Variants in MICAL3 observed in about 807,000 individuals in gnomAD.
The protein encoded by MICAL3 is [F-actin]-monooxygenase MICAL3.
A neutral mutation model predicts 207.4 loss-of-function variants in MICAL3; 62 were observed. That is an observed-to-expected ratio of 0.30 (90% CI 0.24 to 0.37). MICAL3 has a LOEUF of 0.37. Ranked by LOEUF, MICAL3 falls within the 10% of genes least tolerant of loss-of-function variation. The probability of loss-of-function intolerance (pLI) is 1.00; values close to 1 mark genes in which losing one functional copy is unlikely to be tolerated. For synonymous variants in MICAL3, 1,077 were observed against 1,069.3 expected, an observed-to-expected ratio of 1.01 and a Z score of -0.14; for missense variants, 2,368 against 2,635.6, an observed-to-expected ratio of 0.90 and a Z score of 2.22.
rs184826605 is a variant in MICAL3 at position 17,984,880 on chromosome 22, T to C, written c.-75+39401A>G. Among the ~76,000 whole-genome samples, 1,181 of 152,208 alleles carry C rather than the reference T, an allele frequency of 7.8e-3. 14 individuals carry two copies. The highest frequency in any genetic ancestry group is 0.013 in the Non-Finnish European group (916 of 68,008). ...CCAAAGCCACACGAGTAGCAAGTGG[T>C]GAAGCCACAACTCAACCCCAGGCAG... On this transcript the variant is annotated intron_variant, in intron 1 of 31. Coordinates refer to ENST00000441493, the MANE Select transcript of MICAL3 (RefSeq NM_015241.3).
intron 19 of MICAL3, among the ~76,000 whole-genome samples, chr22:17,854,593 C>T (rs1407128405): frequency 2.0e-5 from 3 of 152,136 alleles, no homozygotes; most frequent in African/African-American, 7.2e-5. Context: ...CTGTGACAAA[C>T]TTGGTCACTG....
At chr22:17,919,147 T>C (rs1184807041) in intron 1 of MICAL3, among the ~76,000 whole-genome samples, 1 of 149,952 alleles carries the variant, frequency 6.7e-6, no homozygotes, top group African/African-American at 2.5e-5. Context: ...CATAGCTCAG[T>C]GCAGCTTCCT....
intron 21 of MICAL3, among the ~76,000 whole-genome samples, chr22:17,830,459 G>A (rs904256362): frequency 2.6e-5 from 4 of 152,254 alleles, no homozygotes; most frequent in Admixed American, 2.0e-4. Flanking sequence ...CTCCTGAAAA[G>A]GGAACGTGCT....
At chr22:18,013,633 G>A (rs545457415) in intron 1 of MICAL3, among the ~76,000 whole-genome samples, 1 of 152,336 alleles carries the variant, frequency 6.6e-6, no homozygotes, top group Admixed American at 6.5e-5. Flanking sequence ...TGGAGGTGAC[G>A]CATAGGAAAG....
intron 1 of MICAL3, among the ~76,000 whole-genome samples, chr22:17,980,222 C>T (rs551663089): frequency 1.3e-5 from 2 of 152,182 alleles, no homozygotes; most frequent in Admixed American, 6.5e-5. Context: ...GGCTAGAGGC[C>T]GAATTAGCAT....
intron 1 of MICAL3, among the ~76,000 whole-genome samples, chr22:17,948,213 CT>C (rs1166927363): frequency 5.3e-5 from 8 of 152,376 alleles, no homozygotes; most frequent in African/African-American, 1.9e-4. Flanking sequence ...GCCTTACTCC[CT>C]CCACAGCAAT....
chr22:17,976,969 G>A (rs2091458529), intron 1 of MICAL3, among the ~76,000 whole-genome samples: 1 of 151,984 alleles, frequency 6.6e-6, no homozygotes, highest in African/African-American at 2.4e-5. Flanking sequence ...ACCATGCCCG[G>A]CTAATTTTTT....
At chr22:17,871,728 A>G in intron 17 of MICAL3, 109 bp downstream of exon 17, 1 of 981,524 alleles carries the variant, frequency 1.0e-6, no homozygotes, top group Non-Finnish European at 1.5e-6. Context: ...GCATGATGGA[A>G]AAGACGCACA....
At chr22:17,896,634 G>T in intron 8 of MICAL3, 90 bp downstream of exon 8, 2 of 1,357,464 alleles carry the variant, frequency 1.5e-6, no homozygotes, top group Non-Finnish European at 2.0e-6. Context: ...GTACAACACT[G>T]CAGACGCTCA....
rs1931741320 is a variant in MICAL3 at position 17,906,629 on chromosome 22, C to T, written c.184G>A (p.Ala62Thr). 5.0e-6 allele frequency: 8 copies of T among 1,613,870 alleles called. No homozygotes were observed. Among genetic ancestry groups the T allele is most frequent in the African/African-American group, 1.3e-5 (1 of 74,930 alleles). The change falls in exon 2 of 32, where the codon GCC becomes ACC. Residue 62 changes from alanine to threonine, a missense_variant. By Grantham distance (58) the Ala-to-Thr change is moderately conservative (BLOSUM62 0). Coordinates refer to ENST00000441493, the MANE Select transcript of MICAL3 (RefSeq NM_015241.3). The stretch of plus-strand genomic sequence containing the variant: ...TCCAATTTTGCCCAGAGGGCTTTGG[C>T]TTTCCAGTAGTTAAGCTTGGACTTG... ...KLKSKLNYWK[A>T]KALWAKLDKR...
chr22:17,903,426 C>G (rs1931479078), intron 3 of MICAL3, among the ~76,000 whole-genome samples: 1 of 152,184 alleles, frequency 6.6e-6, no homozygotes, highest in South Asian at 2.1e-4. Flanking sequence ...AAGATCTAGG[C>G]CCTGGTAGAA....
At chr22:17,888,593 G>A (rs1178315350) in intron 13 of MICAL3, among the ~76,000 whole-genome samples, 4 of 152,190 alleles carry the variant, frequency 2.6e-5, no homozygotes, top group Non-Finnish European at 5.9e-5. Context: ...GATGGGAACT[G>A]AGAAAAGAGT....
At chr22:17,937,795 G>A (rs985628723) in intron 1 of MICAL3, among the ~76,000 whole-genome samples, 1 of 152,212 alleles carries the variant, frequency 6.6e-6, no homozygotes, top group Non-Finnish European at 1.5e-5. Flanking sequence ...CAGTTTACGT[G>A]ATTGTCTCCC....
rs1019769652 is a variant in MICAL3, at chr22:17,864,423, A to T, written c.2605+476T>A. ...TCTTAAGTGAAGGTGAACCCAAAAC[A>T]AGACCACGGGGCTTAATCAACACAG... On this transcript the variant is annotated intron_variant, in intron 19 of 31. Coordinates refer to ENST00000441493, the MANE Select transcript of MICAL3 (RefSeq NM_015241.3). 7.2e-6 allele frequency: 10 copies of T among 1,395,534 alleles called. No homozygotes were observed. In the South Asian group the frequency reaches 1.7e-4, roughly 23 times the overall value. 86.4% of individuals were successfully genotyped at this position (1,395,534 alleles called of 1,614,324 possible).
At chr22:17,876,797 A>AGTTATGGAGGGTAGGGAGGTTAGGGAG (rs1928469475) in intron 16 of MICAL3, 1 of 39,770 alleles carries the variant, frequency 2.5e-5, no homozygotes, top group Non-Finnish European at 5.1e-5. Flanking sequence ...AGGTTAGGGA[A>AGTTATGGAGGGTAGGGAGGTTAGGGAG]GTTATGGAGG....
At chr22:17,882,787 C>T (rs559598249) in intron 16 of MICAL3, among the ~76,000 whole-genome samples, 1 of 152,318 alleles carries the variant, frequency 6.6e-6, no homozygotes, top group East Asian at 1.9e-4. Flanking sequence ...CAGCTACTGT[C>T]TCCAACTGTA....
chr22:17,943,255 A>G lies in MICAL3; in HGVS notation c.-74-36369T>C, dbSNP rs143113664. 4.0e-3 allele frequency among the ~76,000 whole-genome samples: 604 copies of G among 152,216 alleles called. 3 individuals are homozygous for G. The highest frequency in any genetic ancestry group is 0.014 in the African/African-American group (569 of 41,526). On this transcript the variant is annotated intron_variant, in intron 1 of 31. Coordinates refer to ENST00000441493, the MANE Select transcript of MICAL3 (RefSeq NM_015241.3). ...TCAGCTCACTGCAACCTCTGCCTCC[A>G]GGGTTCAAGCAATTCTCCTGACTCC... is the stretch of plus-strand genomic sequence containing the variant.
intron 1 of MICAL3, among the ~76,000 whole-genome samples, chr22:17,976,074 T>C (rs1244035270): frequency 6.6e-6 from 1 of 151,662 alleles, no homozygotes; most frequent in Non-Finnish European, 1.5e-5. Flanking sequence ...GCTACATGGC[T>C]CAAAGCCGGA....
intron 11 of MICAL3, 136 bp from the exon 12 acceptor site, chr22:17,891,768 G>A (rs1018105992): frequency 2.7e-6 from 2 of 751,886 alleles, no homozygotes; most frequent in Non-Finnish European, 2.2e-6. Context: ...TAGTTTCCAT[G>A]CAAAGAAAAC....
Sources: allele counts gnomAD v4.1 joint callset (sites outside exome capture counted in the v4.1 genomes callset), GRCh38; gene constraint gnomAD v4.1.1; transcripts MANE v1.5; gene names NCBI Gene and HGNC (gene_info 2026-07-23, HGNC 2026-07-21).